AUTS2: variants seen among roughly 807,000 people sequenced by gnomAD.
AUTS2 encodes the protein autism susceptibility gene 2 protein.
Under a neutral mutation model 112.4 loss-of-function variants are expected in AUTS2, and 17 were observed. The ratio of observed to expected loss-of-function variants is 0.15; its 90% confidence interval spans 0.10 to 0.23. AUTS2 has a LOEUF of 0.23. Ranked by LOEUF, AUTS2 falls within the 10% of genes least tolerant of loss-of-function variation. The pLI is 1.00. For synonymous variants in AUTS2, 751 were observed against 702.7 expected (o/e 1.07, Z -1.09); for missense variants, 1,510 against 1,701.6 (o/e 0.89, Z 1.98).
In AUTS2 at chr7:70,590,641, C is replaced by T. The variant is rs79649838; in HGVS notation, c.691-107928C>T. Among the ~76,000 whole-genome samples the T allele has an allele frequency of 3.0e-3, 459 of 152,214 alleles. 1 individual carries two copies. Among genetic ancestry groups the T allele is most frequent in the African/African-American group, 0.011 (453 of 41,528 alleles). On this transcript the variant is annotated intron_variant, in intron 5 of 18. Coordinates refer to ENST00000342771, the MANE Select transcript of AUTS2 (RefSeq NM_015570.4). ...GACCGAAAAGAAACTTCTGTTAAAT[C>T]GTAAATACACTAAAAGCCCTGGTGC...
At chr7:70,421,262 T>A (rs1320300550) in intron 4 of AUTS2, among the ~76,000 whole-genome samples, 3 of 152,050 alleles carry the variant, frequency 2.0e-5, no homozygotes, top group Non-Finnish European at 4.4e-5. Flanking sequence ...AAAATATTAA[T>A]TCTTTTCTCT....
chr7:69,927,419 T>G (rs2129543559), intron 2 of AUTS2, among the ~76,000 whole-genome samples: 1 of 152,234 alleles, frequency 6.6e-6, no homozygotes, highest in African/African-American at 2.4e-5. Flanking sequence ...GTGAATTATC[T>G]TTTAAGGATA....
intron 4 of AUTS2, among the ~76,000 whole-genome samples, chr7:70,330,612 C>A (rs1790698804): frequency 6.6e-6 from 1 of 152,116 alleles, no homozygotes; most frequent in African/African-American, 2.4e-5. Flanking sequence ...GATTGAGGGT[C>A]CATTGCAATT....
chr7:70,704,020 C>T (rs944868188), intron 6 of AUTS2, among the ~76,000 whole-genome samples: 3 of 152,172 alleles, frequency 2.0e-5, no homozygotes, highest in Non-Finnish European at 2.9e-5. Flanking sequence ...CCTATAGAAG[C>T]CGACTCTTGG....
At position 70,153,521 on chromosome 7, in the gene AUTS2, T is replaced by C. The variant is rs533737701; in HGVS notation, c.660+18950T>C. The stretch of plus-strand genomic sequence containing the variant: ...GACTGTCAGGATGGCTCCACAGATA[T>C]ATTTATAGGTCAAAATTTATCAAAT... On this transcript the variant is annotated intron_variant, in intron 4 of 18. Coordinates refer to ENST00000342771, the MANE Select transcript of AUTS2 (RefSeq NM_015570.4). 3.3e-5 allele frequency among the ~76,000 whole-genome samples: 5 copies of C among 152,334 alleles called. No homozygotes were observed. In the South Asian group the frequency reaches 8.3e-4, roughly 25 times the overall value.
intron 5 of AUTS2, among the ~76,000 whole-genome samples, chr7:70,490,828 A>G (rs923855296): frequency 2.0e-5 from 3 of 152,180 alleles, no homozygotes; most frequent in Non-Finnish European, 4.4e-5. Flanking sequence ...TGAGGCCATG[A>G]TATCATCCTT....
At position 69,678,918 on chromosome 7, in the gene AUTS2, G is replaced by A. The variant is rs556183512; in HGVS notation, c.309+78956G>A. Among the ~76,000 whole-genome samples the A allele has an allele frequency of 8.5e-5, 13 of 152,334 alleles. No individual in the cohort carries two copies. In the South Asian group the frequency reaches 2.7e-3, roughly 32 times the overall value. On this transcript the variant is annotated intron_variant, in intron 1 of 18. Coordinates refer to ENST00000342771, the MANE Select transcript of AUTS2 (RefSeq NM_015570.4). ...TTAGCTTTTGCCGATAATGCTGCAC[G>A]TTTTGCTGTAGAATTACTTTTGTGG...
intron 1 of AUTS2, among the ~76,000 whole-genome samples, chr7:69,633,918 T>G (rs1794394014): frequency 6.6e-6 from 1 of 152,190 alleles, no homozygotes; most frequent in Non-Finnish European, 1.5e-5. Flanking sequence ...GGTTATTTCT[T>G]TTGCTGTGCA....
chr7:69,886,208 C>T (rs1055748828), intron 1 of AUTS2, among the ~76,000 whole-genome samples: 9 of 152,216 alleles, frequency 5.9e-5, no homozygotes, highest in Middle Eastern at 3.4e-3. Flanking sequence ...AGCAATTGTT[C>T]GTGGAATACT....
At chr7:69,849,440 T>C (rs971310632) in intron 1 of AUTS2, among the ~76,000 whole-genome samples, 9 of 152,246 alleles carry the variant, frequency 5.9e-5, no homozygotes, top group Non-Finnish European at 1.2e-4. Flanking sequence ...TAACCATCAC[T>C]GCAGTAAAAG....
intron 2 of AUTS2, among the ~76,000 whole-genome samples, chr7:70,089,444 A>G (rs1803791126): frequency 6.6e-6 from 1 of 151,952 alleles, no homozygotes; most frequent in Non-Finnish European, 1.5e-5. Flanking sequence ...CACTTTTGAT[A>G]GTGTCTTTTT....
chr7:70,674,891 A>G (rs941840813), intron 5 of AUTS2, among the ~76,000 whole-genome samples: 1 of 152,194 alleles, frequency 6.6e-6, no homozygotes, highest in African/African-American at 2.4e-5. Flanking sequence ...TCCCATTGCA[A>G]CCAATTGTGT....
chr7:70,367,428 C>T (rs867956021), intron 4 of AUTS2, among the ~76,000 whole-genome samples: 39 of 151,798 alleles, frequency 2.6e-4, no homozygotes, highest in African/African-American at 8.5e-4. Context: ...TGGTGATGGG[C>T]GCTTGTAGTC....
chr7:70,068,240 C>A (rs1802587482), intron 2 of AUTS2, among the ~76,000 whole-genome samples: 6 of 149,830 alleles, frequency 4.0e-5, no homozygotes, highest in Admixed American at 2.0e-4. Context: ...TGCAGTGGCG[C>A]CATCTCAGCT....
chr7:70,715,296 G>T (rs540961018), intron 6 of AUTS2, among the ~76,000 whole-genome samples: 1 of 152,246 alleles, frequency 6.6e-6, no homozygotes, highest in East Asian at 1.9e-4. Flanking sequence ...CATGGTTTGT[G>T]TTTATCAATT....
intron 2 of AUTS2, among the ~76,000 whole-genome samples, chr7:69,955,353 T>C (rs890802166): frequency 1.3e-5 from 2 of 152,130 alleles, no homozygotes; most frequent in Admixed American, 1.3e-4. Context: ...ATATGTCTTG[T>C]TGTGTGTTTA....
chr7:70,444,725 C>G (rs1796254717), intron 5 of AUTS2, among the ~76,000 whole-genome samples: 1 of 152,036 alleles, frequency 6.6e-6, no homozygotes, highest in African/African-American at 2.4e-5. Context: ...AAGAATAACC[C>G]AAAGAAAGCT....
At chr7:70,741,128 T>C (rs1585606540) in intron 6 of AUTS2, among the ~76,000 whole-genome samples, 1 of 151,964 alleles carries the variant, frequency 6.6e-6, no homozygotes, top group East Asian at 1.9e-4. Flanking sequence ...AAAAGAAACT[T>C]TTCCCTGGGA....
chr7:69,814,741 C>T (rs2129525327), intron 1 of AUTS2, among the ~76,000 whole-genome samples: 1 of 152,310 alleles, frequency 6.6e-6, no homozygotes, highest in East Asian at 1.9e-4. Flanking sequence ...CAGCGTGTGC[C>T]CAGCGGTATG....
Sources: allele counts gnomAD v4.1 joint callset (sites outside exome capture counted in the v4.1 genomes callset), GRCh38; gene constraint gnomAD v4.1.1; transcripts MANE v1.5; gene names NCBI Gene and HGNC (gene_info 2026-07-23, HGNC 2026-07-21).